PCDHGC4: variants seen among roughly 807,000 people sequenced by gnomAD.
PCDHGC4 encodes the protein protocadherin gamma-C4.
A neutral mutation model predicts 59.7 loss-of-function variants in PCDHGC4; 15 were observed. That is an observed-to-expected ratio of 0.25 (90% confidence interval 0.17 to 0.39). The LOEUF (loss-of-function observed/expected upper bound fraction) is 0.39, where lower values mean the gene tolerates loss of function less well. Among genes scored for constraint, PCDHGC4 ranks in the 10% least tolerant of loss-of-function variants. The pLI, the probability that PCDHGC4 is intolerant of heterozygous loss-of-function variation, is 1.00. For missense variants in PCDHGC4, 1,016 were observed against 1,189.5 expected (o/e 0.85, Z 2.15); for synonymous variants, 434 against 481.4 (o/e 0.90, Z 1.29).
chr5:141,486,211 T>C lies in PCDHGC4; in HGVS notation c.1038T>C (p.Asn346=), dbSNP rs779905477. The change falls in exon 1 of 4, where the codon AAT becomes AAC. Residue 346 remains asparagine (N), a synonymous_variant. Coordinates refer to ENST00000306593, the MANE Select transcript of PCDHGC4 (RefSeq NM_018928.3). The surrounding 1 kb of genome is among the most constrained non-coding windows in gnomAD (Gnocchi z 5.0). ...TGGATCTGCTGGACGTAAATGACAA[T>C]GCCCCTTACATCACAGTGACCTCAG... ...LRVDLLDVND[N]APYITVTSEL... 6.2e-7 allele frequency: 1 copy of C among 1,614,142 alleles called. No homozygotes were observed. Among genetic ancestry groups the C allele is most frequent in the Non-Finnish European group, 8.5e-7 (1 of 1,180,024 alleles).
chr5:141,492,384 C>G (rs1001189412), intron 1 of PCDHGC4, among the ~76,000 whole-genome samples: 1 of 152,230 alleles, frequency 6.6e-6, no homozygotes, highest in Non-Finnish European at 1.5e-5. Context: ...AGGCCTGTTC[C>G]GGTCCACTCG....
chr5:141,486,730 T>G lies in PCDHGC4; in HGVS notation c.1557T>G (p.Ala519=), dbSNP rs775081505. Residue 519 remains alanine, a synonymous_variant, in exon 1 of 4, where the codon GCT becomes GCG. Coordinates refer to ENST00000306593, the MANE Select transcript of PCDHGC4 (RefSeq NM_018928.3). This position sits in a 1 kb window ranked among gnomAD's most constrained non-coding sequence, Gnocchi z 5.0. ...SLNPQTGAVH[A]TRSFDYEQTQ... ...ACCCCCAGACAGGAGCTGTTCATGC[T>G]ACTCGATCCTTTGACTATGAGCAAA... is the stretch of plus-strand genomic sequence containing the variant. 6.2e-7 allele frequency: 1 copy of G among 1,614,238 alleles called. No individual in the cohort carries two copies. The highest frequency in any genetic ancestry group is 8.5e-7 in the Non-Finnish European group (1 of 1,180,042).
intron 2 of PCDHGC4, among the ~76,000 whole-genome samples, chr5:141,499,576 G>C (rs2099792836): frequency 1.3e-5 from 2 of 151,790 alleles, no homozygotes; most frequent in Non-Finnish European, 2.9e-5. Context: ...TTCAACTAAT[G>C]CCTTATCTTG....
At chr5:141,510,056 G>C (rs1450505898) in intron 3 of PCDHGC4, among the ~76,000 whole-genome samples, 2 of 152,174 alleles carry the variant, frequency 1.3e-5, no homozygotes. Flanking sequence ...AAGTGATTGT[G>C]CATGTGAAGC....
At chr5:141,495,499 C>T (rs918858395) in intron 2 of PCDHGC4, among the ~76,000 whole-genome samples, 13 of 152,162 alleles carry the variant, frequency 8.5e-5, no homozygotes, top group African/African-American at 2.9e-4. Context: ...CTTGAGTTTC[C>T]GTCTTTGCCA....
At chr5:141,509,128 A>C (rs995210331) in intron 3 of PCDHGC4, among the ~76,000 whole-genome samples, 8 of 151,958 alleles carry the variant, frequency 5.3e-5, no homozygotes, top group African/African-American at 1.7e-4. Flanking sequence ...TGAAGAGAAA[A>C]ACCGAGGCGC....
intron 3 of PCDHGC4, among the ~76,000 whole-genome samples, chr5:141,506,132 G>T (rs114930087): frequency 1.2e-4 from 18 of 152,310 alleles, no homozygotes; most frequent in African/African-American, 4.3e-4. Context: ...CAGAGCAGGA[G>T]AAGAAGAATA....
chr5:141,505,255 C>T (rs2099844853), intron 2 of PCDHGC4, 138 bp from the exon 3 acceptor site: 1 of 1,481,112 alleles, frequency 6.8e-7, no homozygotes, highest in Admixed American at 2.1e-5. Context: ...AGAAGTGCCT[C>T]CTACCTTGCT....
Position 141,489,179 on chromosome 5 carries a change from C to T in PCDHGC4, c.2442+1564C>T. ...AGACTTCAGCTGCTGCATTCCAAGC[C>T]CTGGGTCTACCTTGGAGACAGGACA... On this transcript the variant is annotated intron_variant, in intron 1 of 3. Coordinates refer to ENST00000306593, the MANE Select transcript of PCDHGC4 (RefSeq NM_018928.3). The surrounding 1 kb of genome is among the most constrained non-coding windows in gnomAD (Gnocchi z 4.5). The T allele has an allele frequency of 8.0e-7, 1 of 1,243,186 alleles. No individual in the cohort carries two copies. The highest frequency in any genetic ancestry group is 1.1e-6 in the Non-Finnish European group (1 of 890,032). The allele number at this position is 1,243,186 out of a possible 1,614,324, so 77.0% of individuals were successfully genotyped here. A position where few individuals can be genotyped will look rare whatever the true frequency, so the allele number is the denominator to read the frequency against.
At chr5:141,492,974 C>G (rs1479838959) in intron 1 of PCDHGC4, among the ~76,000 whole-genome samples, 1 of 152,244 alleles carries the variant, frequency 6.6e-6, no homozygotes, top group Non-Finnish European at 1.5e-5. Flanking sequence ...CTAACAAGTC[C>G]TGTCTCCTCT....
rs746838072 is a variant in PCDHGC4 at position 141,486,116 on chromosome 5, T to A, written c.943T>A (p.Tyr315Asn). ...GCCCCTAGACTTTGAGAGTGAGAATTACTATGAATTTGATGTGCGGGCTCG... is the reference window on the plus strand; with the variant it reads ...GCCCCTAGACTTTGAGAGTGAGAATAACTATGAATTTGATGTGCGGGCTCG... Reference protein sequence around the residue: ...LGPLDFESENYYEFDVRARDG... With the variant: ...LGPLDFESENNYEFDVRARDG... The change falls in exon 1 of 4, where the codon TAC (tyrosine) becomes AAC (asparagine). Residue 315 changes from tyrosine (Y) to asparagine (N), a missense_variant. Coordinates refer to ENST00000306593, the MANE Select transcript of PCDHGC4 (RefSeq NM_018928.3). This position sits in a 1 kb window ranked among gnomAD's most constrained non-coding sequence, Gnocchi z 5.0. 1.1e-5 allele frequency: 17 copies of A among 1,613,638 alleles called. No homozygotes were observed. Among genetic ancestry groups the A allele is most frequent in the Non-Finnish European group, 1.4e-5 (17 of 1,179,610 alleles).
intron 1 of PCDHGC4, chr5:141,492,050 C>T (rs2099736541): frequency 4.0e-6 from 2 of 500,984 alleles, no homozygotes; most frequent in South Asian, 7.5e-5. Context: ...AGATCCACCC[C>T]TGCAGCCAGC....
At position 141,491,546 on chromosome 5, in the gene PCDHGC4, C is replaced by T; in HGVS notation, c.2443-3261C>T. ...GAGGTGACGCTGCGGCCCACAGACT[C>T]GCAGAGCCACTGCTACAGGACGTGC... On this transcript the variant is annotated intron_variant, in intron 1 of 3. Transcript: ENST00000306593. This position sits in a 1 kb window ranked among gnomAD's most constrained non-coding sequence, Gnocchi z 6.9. 1.9e-6 allele frequency: 3 copies of T among 1,614,038 alleles called. No homozygotes were observed. Among genetic ancestry groups the T allele is most frequent in the Non-Finnish European group, 2.5e-6 (3 of 1,180,024 alleles).
In PCDHGC4 at chr5:141,491,169, G is replaced by A. The variant is rs374498014; in HGVS notation, c.2442+3554G>A. The A allele has an allele frequency of 1.2e-6, 2 of 1,614,192 alleles. No homozygotes were observed. Among genetic ancestry groups the A allele is most frequent in the African/African-American group, 1.3e-5 (1 of 75,058 alleles). On this transcript the variant is annotated intron_variant, in intron 1 of 3. Transcript: ENST00000306593. The surrounding 1 kb of genome is among the most constrained non-coding windows in gnomAD (Gnocchi z 6.9). ...TGGAGGATGACTCTGACACCCAGCA[G>A]GTGGTGGTCCTGGTGAGGGACAATG...
chr5:141,499,485 A>G (rs1278629076), intron 2 of PCDHGC4, among the ~76,000 whole-genome samples: 2 of 152,226 alleles, frequency 1.3e-5, no homozygotes, highest in Non-Finnish European at 2.9e-5. Flanking sequence ...ACCACCAACT[A>G]CAGTTTAATA....
chr5:141,490,597 C>T lies in PCDHGC4; in HGVS notation c.2442+2982C>T, dbSNP rs781077720. Reference sequence around the variant, plus strand: ...TTCAGATGTCAATGACAATGCACCCCGCTTCAACCAGCAGCTTTACACTGC... The same window carrying T: ...TTCAGATGTCAATGACAATGCACCCTGCTTCAACCAGCAGCTTTACACTGC... On this transcript the variant is annotated intron_variant, in intron 1 of 3. Coordinates refer to ENST00000306593, the MANE Select transcript of PCDHGC4 (RefSeq NM_018928.3). The surrounding 1 kb of genome is among the most constrained non-coding windows in gnomAD (Gnocchi z 5.4). The T allele has an allele frequency of 1.2e-5, 20 of 1,614,182 alleles. No homozygotes were observed. The highest frequency in any genetic ancestry group is 3.3e-5 in the Admixed American group (2 of 60,026).
chr5:141,486,444 T>G lies in PCDHGC4; in HGVS notation c.1271T>G (p.Met424Arg). 1 of 1,614,086 alleles carries G rather than the reference T, an allele frequency of 6.2e-7. No homozygotes were observed. Among genetic ancestry groups the G allele is most frequent in the Non-Finnish European group, 8.5e-7 (1 of 1,179,930 alleles). ...DREAKSSYDI[M>R]VTASDAGNPP... ...GAGGCCAAATCTAGCTATGACATCA[T>G]GGTCACTGCTTCTGATGCTGGGAAC... Residue 424 changes from methionine (M) to arginine (R), a missense_variant, in exon 1 of 4, where the codon ATG (methionine) becomes AGG (arginine). Physicochemically the swap from Met to Arg is moderately conservative, Grantham distance 91 (BLOSUM62 -1). Coordinates refer to ENST00000306593, the MANE Select transcript of PCDHGC4 (RefSeq NM_018928.3). The surrounding 1 kb of genome is among the most constrained non-coding windows in gnomAD (Gnocchi z 5.0).
In PCDHGC4 at chr5:141,490,654, C is replaced by A; in HGVS notation, c.2442+3039C>A. On this transcript the variant is annotated intron_variant, in intron 1 of 3. Transcript: ENST00000306593. The surrounding 1 kb of genome is among the most constrained non-coding windows in gnomAD (Gnocchi z 5.4). ...CCTAGAAAACCGGCCTCCGGGCTCC[C>A]TTCTTTGCACTGTGGCTGCCTCAGA... 6.2e-7 allele frequency: 1 copy of A among 1,614,206 alleles called. No individual in the cohort carries two copies. Among genetic ancestry groups the A allele is most frequent in the Non-Finnish European group, 8.5e-7 (1 of 1,180,014 alleles).
At chr5:141,509,077 C>A (rs1371396735) in intron 3 of PCDHGC4, among the ~76,000 whole-genome samples, 3 of 152,242 alleles carry the variant, frequency 2.0e-5, no homozygotes, top group Admixed American at 2.0e-4. Flanking sequence ...CGGGGATTTG[C>A]GACATGAAAT....
Sources: gnomAD v4.1 joint callset for allele counts (sites outside exome capture counted in the v4.1 genomes callset) on GRCh38, gnomAD v4.1.1 for gene constraint, Gnocchi (gnomAD v3.1) non-coding constraint, MANE v1.5 for transcripts, NCBI Gene and HGNC (gene_info 2026-07-23, HGNC 2026-07-21) for gene names.